ADAMTSL1: variants seen among roughly 807,000 people sequenced by gnomAD.
ADAMTSL1 encodes the protein ADAMTS-like protein 1.
ADAMTSL1 carries 126 observed loss-of-function variants against 201.8 expected under a neutral mutation model. The ratio of observed to expected loss-of-function variants is 0.62; its 90% CI spans 0.54 to 0.72. The LOEUF (loss-of-function observed/expected upper bound fraction) is 0.72, where lower values mean the gene tolerates loss of function less well. Among genes scored for constraint, ADAMTSL1 ranks in the 30% least tolerant of loss-of-function variants. The pLI, the probability that ADAMTSL1 is intolerant of heterozygous loss-of-function variation, is 0.00. For synonymous variants in ADAMTSL1, 1,121 were observed against 903.4 expected (o/e 1.24, Z -4.32); for missense variants, 2,679 against 2,277.8 (o/e 1.18, Z -3.59).
intron 4 of ADAMTSL1, among the ~76,000 whole-genome samples, chr9:18,600,207 G>A (rs1824549866): frequency 1.3e-5 from 2 of 151,936 alleles, no homozygotes; most frequent in African/African-American, 4.8e-5. Flanking sequence ...TATTTCTAAG[G>A]GGAAGGAGAA....
At chr9:18,648,840 T>A (rs1217685568) in intron 7 of ADAMTSL1, among the ~76,000 whole-genome samples, 1 of 152,082 alleles carries the variant, frequency 6.6e-6, no homozygotes, top group South Asian at 2.1e-4. Flanking sequence ...TCATTTCAAC[T>A]TTGGTGAATC....
At chr9:18,664,511 CAT>C (rs1829311942) in intron 9 of ADAMTSL1, among the ~76,000 whole-genome samples, 2 of 152,068 alleles carry the variant, frequency 1.3e-5, no homozygotes, top group Non-Finnish European at 2.9e-5. Context: ...TATAAAGTCA[CAT>C]GTTTTTAATT....
chr9:18,663,014 A>T (rs1413930353), intron 9 of ADAMTSL1, among the ~76,000 whole-genome samples: 2 of 152,208 alleles, frequency 1.3e-5, no homozygotes, highest in East Asian at 1.9e-4. Context: ...TTAAAATCAT[A>T]CTATACTGAT....
intron 20 of ADAMTSL1, among the ~76,000 whole-genome samples, chr9:18,810,455 A>C (rs1823431133): frequency 6.6e-6 from 1 of 152,224 alleles, no homozygotes; most frequent in South Asian, 2.1e-4. Flanking sequence ...ATGTGGGAGA[A>C]AACAAAAAAT....
At chr9:18,467,026 C>A (rs1007529097) in intron 2 of ADAMTSL1, among the ~76,000 whole-genome samples, 1 of 152,096 alleles carries the variant, frequency 6.6e-6, no homozygotes, top group Non-Finnish European at 1.5e-5. Context: ...GTGAATATCT[C>A]ATATGTTAAT....
At chr9:18,819,100 A>G (rs1303336621) in intron 21 of ADAMTSL1, among the ~76,000 whole-genome samples, 1 of 152,126 alleles carries the variant, frequency 6.6e-6, no homozygotes, top group African/African-American at 2.4e-5. Flanking sequence ...GCGATGAAAC[A>G]CTGGTGATAT....
intron 16 of ADAMTSL1, among the ~76,000 whole-genome samples, chr9:18,754,520 C>T (rs1258883301): frequency 6.6e-6 from 1 of 152,122 alleles, no homozygotes; most frequent in Non-Finnish European, 1.5e-5. Flanking sequence ...TCAAAAGTGT[C>T]CCAATTTGGG....
intron 2 of ADAMTSL1, among the ~76,000 whole-genome samples, chr9:18,261,242 T>C (rs1831910756): frequency 6.6e-6 from 1 of 152,114 alleles, no homozygotes; most frequent in Admixed American, 6.5e-5. Context: ...GAAAATAGAC[T>C]TGTGGTTGCT....
intron 1 of ADAMTSL1, among the ~76,000 whole-genome samples, chr9:17,930,478 G>C (rs1826736449): frequency 6.6e-6 from 1 of 152,076 alleles, no homozygotes; most frequent in Non-Finnish European, 1.5e-5. Flanking sequence ...TCAGTTTCAT[G>C]GTCATACCTC....
chr9:18,721,636 G>A lies in ADAMTSL1; in HGVS notation c.1977G>A (p.Lys659=), dbSNP rs748031788. The A allele has an allele frequency of 6.2e-7, 1 of 1,613,970 alleles. No individual in the cohort carries two copies. The highest frequency in any genetic ancestry group is 1.3e-5 in the African/African-American group (1 of 75,050). The change falls in exon 15 of 29, where the codon AAG becomes AAA. Residue 659 remains lysine, a synonymous_variant. Coordinates refer to ENST00000380548, the MANE Select transcript of ADAMTSL1 (RefSeq NM_001040272.6). ...VTSRRPPQLL[K]SCNLDPCPAR... ...GCCGCCGGCCCCCACAGCTCCTGAA[G>A]TCCTGCAATTTGGATCCCTGCCCAG... is the stretch of plus-strand genomic sequence containing the variant.
intron 2 of ADAMTSL1, among the ~76,000 whole-genome samples, chr9:18,268,170 T>C (rs1465244861): frequency 6.6e-6 from 1 of 152,202 alleles, no homozygotes; most frequent in Non-Finnish European, 1.5e-5. Flanking sequence ...TATTAGATAC[T>C]TTAAGTCACT....
chr9:17,908,786 C>T (rs935267148), intron 1 of ADAMTSL1, among the ~76,000 whole-genome samples: 1 of 152,208 alleles, frequency 6.6e-6, no homozygotes, highest in Non-Finnish European at 1.5e-5. Flanking sequence ...GAATCATGGC[C>T]CCATGTGTCT....
intron 23 of ADAMTSL1, among the ~76,000 whole-genome samples, chr9:18,836,827 G>C (rs1319306359): frequency 6.6e-6 from 1 of 151,954 alleles, no homozygotes; most frequent in Non-Finnish European, 1.5e-5. Flanking sequence ...TTCTTGGTCA[G>C]ATATATTCCT....
intron 4 of ADAMTSL1, 73 bp from the exon 5 acceptor site, chr9:18,622,170 G>A: frequency 3.2e-6 from 5 of 1,565,458 alleles, no homozygotes; most frequent in Non-Finnish European, 4.3e-6. Context: ...GTTATTTCAT[G>A]GTGATTGGCC....
At chr9:18,173,319 T>C (rs1332927111) in intron 2 of ADAMTSL1, among the ~76,000 whole-genome samples, 2 of 152,066 alleles carry the variant, frequency 1.3e-5, no homozygotes, top group African/African-American at 4.8e-5. Flanking sequence ...CCTCACAATA[T>C]AATTAAGCAA....
intron 2 of ADAMTSL1, among the ~76,000 whole-genome samples, chr9:18,196,160 G>T (rs911731105): frequency 6.6e-6 from 1 of 152,054 alleles, no homozygotes; most frequent in Non-Finnish European, 1.5e-5. Flanking sequence ...TATGAAGTTA[G>T]AGAGGTCTCC....
intron 2 of ADAMTSL1, among the ~76,000 whole-genome samples, chr9:18,315,332 C>T (rs1834339645): frequency 6.6e-6 from 1 of 152,144 alleles, no homozygotes; most frequent in African/African-American, 2.4e-5. Flanking sequence ...CATCCCGCGC[C>T]AGGGTCGCAG....
At chr9:18,342,104 G>A (rs1002925687) in intron 2 of ADAMTSL1, among the ~76,000 whole-genome samples, 1 of 152,028 alleles carries the variant, frequency 6.6e-6, no homozygotes, top group African/African-American at 2.4e-5. Context: ...GCTGCCTCAA[G>A]CCCGATCTTA....
chr9:18,168,884 G>A (rs1445087441), intron 2 of ADAMTSL1, among the ~76,000 whole-genome samples: 1 of 151,254 alleles, frequency 6.6e-6, no homozygotes, highest in Non-Finnish European at 1.5e-5. Context: ...CAGTGATGAT[G>A]AGCATTTTTT....
Sources: allele counts gnomAD v4.1 joint callset (sites outside exome capture counted in the v4.1 genomes callset), GRCh38; gene constraint gnomAD v4.1.1; transcripts MANE v1.5; gene names NCBI Gene and HGNC (gene_info 2026-07-23, HGNC 2026-07-21).